SIPA1L2: variants seen among roughly 807,000 people sequenced by gnomAD.
The protein encoded by SIPA1L2 is signal induced proliferation associated 1 like 2.
A neutral mutation model predicts 163.9 loss-of-function variants in SIPA1L2; 56 were observed. The observed-to-expected ratio is 0.34, with a 90% confidence interval of 0.28 to 0.43. SIPA1L2 has a LOEUF of 0.43. SIPA1L2 is among the 20% of genes least tolerant of loss of function. SIPA1L2 has a pLI of 1.00. For synonymous variants in SIPA1L2, 877 were observed against 865.7 expected (o/e 1.01, Z -0.23); for missense variants, 1,974 against 2,193.5 (o/e 0.90, Z 2.00).
In SIPA1L2 at chr1:232,408,735, G is replaced by C. The variant is rs1660783072; in HGVS notation, c.4763-4557C>G. Among the ~76,000 whole-genome samples, 4 of 151,632 alleles carry C rather than the reference G, an allele frequency of 2.6e-5. No homozygotes were observed. In the South Asian group the frequency reaches 8.4e-4, roughly 32 times the overall value. ...CTGTGGGTTTGGTGTTTTTTTGCTG[G>C]GTAAGTTCCTTTACGTACTTTAGGT... On this transcript the variant is annotated intron_variant, in intron 19 of 22. Transcript: ENST00000674635.
chr1:232,602,897 T>C (rs1268515450), intron 1 of SIPA1L2, among the ~76,000 whole-genome samples: 1 of 152,248 alleles, frequency 6.6e-6, no homozygotes, highest in Non-Finnish European at 1.5e-5. Context: ...TATTTAATTT[T>C]AGTTAACCTA....
In SIPA1L2 at chr1:232,507,662, C is replaced by T. The variant is rs116348463; in HGVS notation, c.1483+6195G>A. ...AGGGGACAGGAAATTATGCATCTTC[C>T]CCTATTACTGTGCTTCTATCAAGCT... On this transcript the variant is annotated intron_variant, in intron 3 of 22. Transcript: ENST00000674635. Among the ~76,000 whole-genome samples, 458 of 152,276 alleles carry T rather than the reference C, an allele frequency of 3.0e-3. 4 individuals are homozygous for T. Among genetic ancestry groups the T allele is most frequent in the African/African-American group, 0.011 (440 of 41,550 alleles).
rs1025366242 is a variant in SIPA1L2 at position 232,398,739 on chromosome 1, C to A, written c.*388G>T. The stretch of plus-strand genomic sequence containing the variant: ...TCATGTTTATTTTACAATACTAAAG[C>A]CCAAACTATGGTAAATTGCTTTACA... On this transcript the variant is annotated 3_prime_UTR_variant, in exon 23 of 23. Transcript: ENST00000674635. 1 of 168,266 alleles carries A rather than the reference C, an allele frequency of 5.9e-6. No individual in the cohort carries two copies. Among genetic ancestry groups the A allele is most frequent in the African/African-American group, 2.4e-5 (1 of 42,018 alleles). The allele number at this position is 168,266 out of a possible 1,614,324, so 10.4% of individuals were successfully genotyped here. A position where few individuals can be genotyped will look rare whatever the true frequency, so the allele number is the denominator to read the frequency against.
chr1:232,446,732 AT>A (rs1471466242), intron 10 of SIPA1L2, among the ~76,000 whole-genome samples: 1 of 152,136 alleles, frequency 6.6e-6, no homozygotes, highest in Non-Finnish European at 1.5e-5. Context: ...TTTGTATGAG[AT>A]TTATCTTCCT....
intron 15 of SIPA1L2, among the ~76,000 whole-genome samples, chr1:232,434,064 A>T (rs1662408278): frequency 6.6e-6 from 1 of 152,206 alleles, no homozygotes; most frequent in Non-Finnish European, 1.5e-5. Context: ...CCAGCAAAGG[A>T]TTATTCACGA....
At chr1:232,454,183 A>C (rs572928678) in intron 10 of SIPA1L2, among the ~76,000 whole-genome samples, 1 of 152,340 alleles carries the variant, frequency 6.6e-6, no homozygotes. Context: ...GCTTTTCAAC[A>C]AATTCCTTAA....
chr1:232,594,108 C>G (rs1661112795), intron 1 of SIPA1L2, among the ~76,000 whole-genome samples: 1 of 152,232 alleles, frequency 6.6e-6, no homozygotes, highest in African/African-American at 2.4e-5. Flanking sequence ...CAGCACTCCC[C>G]TCCAGTCTCC....
intron 2 of SIPA1L2, among the ~76,000 whole-genome samples, chr1:232,517,862 A>AAG (rs935383356): frequency 3.1e-4 from 47 of 152,116 alleles, no homozygotes; most frequent in African/African-American, 9.6e-4. Context: ...GCAACACAGC[A>AAG]AGAGCCCGTC....
At chr1:232,419,113 C>G (rs768777906) in intron 18 of SIPA1L2, among the ~76,000 whole-genome samples, 24 of 152,124 alleles carry the variant, frequency 1.6e-4, no homozygotes, top group Non-Finnish European at 3.5e-4. Context: ...GAGGCCTGTC[C>G]AAGGAGGGGA....
At chr1:232,459,398 AGAGT>A (rs1270339003) in intron 10 of SIPA1L2, among the ~76,000 whole-genome samples, 1 of 152,204 alleles carries the variant, frequency 6.6e-6, no homozygotes, top group Non-Finnish European at 1.5e-5. Context: ...GAGAAAGGAG[AGAGT>A]ATGACCTAGG....
Position 232,465,486 on chromosome 1 carries a change from A to G in SIPA1L2, c.2244-70T>C. The G allele has an allele frequency of 8.3e-7, 1 of 1,200,432 alleles. No homozygotes were observed. The highest frequency in any genetic ancestry group is 1.2e-6 in the Non-Finnish European group (1 of 841,974). The allele number at this position is 1,200,432 out of a possible 1,614,324, so 74.4% of individuals were successfully genotyped here. On this transcript the variant is annotated intron_variant, in intron 8 of 22. Coordinates refer to ENST00000674635, the MANE Select transcript of SIPA1L2 (RefSeq NM_020808.5). The surrounding 1 kb of genome is among the most constrained non-coding windows in gnomAD (Gnocchi z 4.1). Reference sequence around the variant, plus strand: ...CATAATATGTATCTTTCCGAATTTGACATATATATACACACACACACACAT... The same window carrying G: ...CATAATATGTATCTTTCCGAATTTGGCATATATATACACACACACACACAT...
chr1:232,624,561 TC>T (rs1416473009), intron 1 of SIPA1L2, among the ~76,000 whole-genome samples: 3 of 152,234 alleles, frequency 2.0e-5, no homozygotes, highest in African/African-American at 7.2e-5. Context: ...GTTCTTACTT[TC>T]CACAATAACA....
intron 3 of SIPA1L2, among the ~76,000 whole-genome samples, chr1:232,496,527 T>C (rs1666199327): frequency 6.8e-6 from 1 of 147,594 alleles, no homozygotes; most frequent in Non-Finnish European, 1.5e-5. Flanking sequence ...TAAACAAAGA[T>C]CTGGTTTTAA....
chr1:232,470,879 A>G (rs922361019), intron 8 of SIPA1L2, among the ~76,000 whole-genome samples: 4 of 152,240 alleles, frequency 2.6e-5, no homozygotes, highest in African/African-American at 9.6e-5. Context: ...TTCCTAAGAC[A>G]GAGTCTGAGA....
At chr1:232,563,227 C>T (rs1041317976) in intron 2 of SIPA1L2, among the ~76,000 whole-genome samples, 1 of 152,202 alleles carries the variant, frequency 6.6e-6, no homozygotes, top group Non-Finnish European at 1.5e-5. Flanking sequence ...AACTCCTAAA[C>T]AACAGACACA....
chr1:232,604,130 A>G (rs75325301), intron 1 of SIPA1L2, among the ~76,000 whole-genome samples: 8,029 of 152,218 alleles, frequency 0.053, 707 homozygotes, highest in East Asian at 0.41. Flanking sequence ...AGAATCTTCA[A>G]AAGATTCCAG....
chr1:232,511,008 A>G (rs1666955201), intron 3 of SIPA1L2, among the ~76,000 whole-genome samples: 1 of 152,352 alleles, frequency 6.6e-6, no homozygotes, highest in African/African-American at 2.4e-5. Context: ...TTTTATTAAG[A>G]ATTGGCAGCC....
Position 232,408,144 on chromosome 1 carries a change from T to G in SIPA1L2, c.4763-3966A>C, listed in dbSNP as rs141516752. ...TTCTGACATGTAAGAAGGACATGTT[T>G]TGCCCTCCAACAAACAAAATAACTG... On this transcript the variant is annotated intron_variant, in intron 19 of 22. Coordinates refer to ENST00000674635, the MANE Select transcript of SIPA1L2 (RefSeq NM_020808.5). 6.0e-4 allele frequency among the ~76,000 whole-genome samples: 91 copies of G among 152,274 alleles called. 1 individual carries two copies. The highest frequency in any genetic ancestry group is 2.1e-3 in the African/African-American group (89 of 41,550).
intron 3 of SIPA1L2, among the ~76,000 whole-genome samples, chr1:232,501,090 C>T (rs755007931): frequency 7.8e-5 from 8 of 103,002 alleles, no homozygotes; most frequent in Non-Finnish European, 1.1e-4. Context: ...CAGAGTCTCG[C>T]TCTGTCGCCC....
Sources: allele counts gnomAD v4.1 joint callset (sites outside exome capture counted in the v4.1 genomes callset), GRCh38; gene constraint gnomAD v4.1.1; non-coding constraint Gnocchi (gnomAD v3.1); transcripts MANE v1.5; gene names NCBI Gene and HGNC (gene_info 2026-07-23, HGNC 2026-07-21).